Variants in ZC3H12C observed in about 807,000 individuals in gnomAD.
ZC3H12C encodes the protein probable ribonuclease ZC3H12C.
ZC3H12C carries 20 observed loss-of-function variants against 76.3 expected under a neutral mutation model. The observed-to-expected ratio is 0.26, with a 90% CI of 0.18 to 0.38. The LOEUF is 0.38. ZC3H12C is among the 10% of genes least tolerant of loss of function. ZC3H12C has a pLI of 1.00. For synonymous variants in ZC3H12C, 352 were observed against 399.6 expected, an observed-to-expected ratio of 0.88 and a Z score of 1.42; for missense variants, 874 against 1,086.5, an observed-to-expected ratio of 0.80 and a Z score of 2.75.
intron 1 of ZC3H12C, among the ~76,000 whole-genome samples, chr11:110,105,623 A>G (rs1359241245): frequency 6.6e-6 from 1 of 152,194 alleles, no homozygotes; most frequent in Non-Finnish European, 1.5e-5. Flanking sequence ...TTACCTAGAG[A>G]TGACTTAAAA....
At chr11:110,148,624 A>T (rs993855494) in intron 2 of ZC3H12C, among the ~76,000 whole-genome samples, 1 of 152,238 alleles carries the variant, frequency 6.6e-6, no homozygotes, top group African/African-American at 2.4e-5. Flanking sequence ...CTCACTTGAG[A>T]TATACCAATC....
At chr11:110,157,051 C>T (rs765800871) in intron 3 of ZC3H12C, among the ~76,000 whole-genome samples, 1 of 151,798 alleles carries the variant, frequency 6.6e-6, no homozygotes, top group South Asian at 2.1e-4. Flanking sequence ...TGGTGGTGCA[C>T]GCTTGTAGTC....
At chr11:110,129,300 A>T (rs58463096) in intron 1 of ZC3H12C, among the ~76,000 whole-genome samples, 4,921 of 152,252 alleles carry the variant, frequency 0.032, 156 homozygotes, top group East Asian at 0.087. Flanking sequence ...TTTATCTTTT[A>T]GTTTTCTTTC....
At chr11:110,139,752 G>A (rs894362212) in intron 2 of ZC3H12C, among the ~76,000 whole-genome samples, 2 of 151,974 alleles carry the variant, frequency 1.3e-5, no homozygotes, top group African/African-American at 4.8e-5. Flanking sequence ...AACCATGCCT[G>A]TATACCAGAA....
intron 1 of ZC3H12C, chr11:110,136,319 C>A: frequency 5.3e-6 from 1 of 189,424 alleles, no homozygotes; most frequent in Non-Finnish European, 1.1e-5. Flanking sequence ...AATTATAAGC[C>A]GTCCTAAAAG....
intron 3 of ZC3H12C, among the ~76,000 whole-genome samples, chr11:110,155,103 C>A (rs1029054764): frequency 1.3e-5 from 2 of 152,100 alleles, no homozygotes; most frequent in East Asian, 3.8e-4. Flanking sequence ...GCCTGGCCAA[C>A]ATGGTGAAAT....
intron 1 of ZC3H12C, among the ~76,000 whole-genome samples, chr11:110,135,144 T>A (rs776762616): frequency 7.9e-5 from 12 of 152,138 alleles, no homozygotes; most frequent in Non-Finnish European, 7.4e-5. Flanking sequence ...AATTCAACTA[T>A]CGCTGGCTTG....
intron 1 of ZC3H12C, among the ~76,000 whole-genome samples, chr11:110,097,724 A>T (rs748090310): frequency 3.7e-4 from 56 of 152,344 alleles, no homozygotes; most frequent in Non-Finnish European, 7.2e-4. Context: ...AGTCCCTGTT[A>T]AAACAAATAC....
At chr11:110,151,052 C>T (rs908649962) in intron 2 of ZC3H12C, among the ~76,000 whole-genome samples, 7 of 151,930 alleles carry the variant, frequency 4.6e-5, no homozygotes, top group South Asian at 4.2e-4. Flanking sequence ...AACGACATGC[C>T]GTTTTTCATC....
intron 1 of ZC3H12C, among the ~76,000 whole-genome samples, chr11:110,109,054 T>C (rs1368400662): frequency 6.6e-6 from 1 of 152,252 alleles, no homozygotes; most frequent in Non-Finnish European, 1.5e-5. Flanking sequence ...TTCTTACATT[T>C]AGAACTTTTG....
rs753475802 is a variant in ZC3H12C at position 110,164,960 on chromosome 11, C to T, written c.1875C>T (p.Asp625=). The change falls in exon 6 of 6, where the codon GAC becomes GAT. Residue 625 remains aspartate (D), a synonymous_variant. Coordinates refer to ENST00000278590, the MANE Select transcript of ZC3H12C (RefSeq NM_033390.2). The surrounding 1 kb of genome is among the most constrained non-coding windows in gnomAD (Gnocchi z 5.7). ...ATAGAATAAGTTCCGTAGCTTCTGA[C>T]TGCAGCAGTGAAGGGAGCATGAGCT... The part of the protein sequence containing the change: ...TDYRISSVAS[D]CSSEGSMSCG... 6.2e-7 allele frequency: 1 copy of T among 1,614,060 alleles called. No homozygotes were observed. Among genetic ancestry groups the T allele is most frequent in the Non-Finnish European group, 8.5e-7 (1 of 1,179,904 alleles).
chr11:110,098,108 C>T (rs1329935346), intron 1 of ZC3H12C, among the ~76,000 whole-genome samples: 6 of 152,064 alleles, frequency 3.9e-5, no homozygotes, highest in Admixed American at 2.6e-4. Context: ...GTGACAGTGC[C>T]GTGCCTGTTA....
chr11:110,136,898 G>A lies in ZC3H12C; in HGVS notation c.257G>A (p.Ser86Asn), dbSNP rs895575128. ...DEKEASEENASSGDSEENTNS... is the reference protein window; with the variant it reads ...DEKEASEENANSGDSEENTNS... The stretch of plus-strand genomic sequence containing the variant: ...AAAGAGGCGTCTGAAGAGAATGCAA[G>A]CTCTGGTGACTCTGAAGAAAACACA... Residue 86 changes from serine to asparagine, a missense_variant, in exon 2 of 6, where the codon AGC (serine) becomes AAC (asparagine). Ser to Asn is a conservative substitution (Grantham distance 46). Around this residue, in one of 3 missense-constraint regions of ZC3H12C, gnomAD observed 210 missense variants for 227.1 expected, o/e 0.92. Coordinates refer to ENST00000278590, the MANE Select transcript of ZC3H12C (RefSeq NM_033390.2). 6.2e-7 allele frequency: 1 copy of A among 1,613,798 alleles called. No individual in the cohort carries two copies. Among genetic ancestry groups the A allele is most frequent in the Non-Finnish European group, 8.5e-7 (1 of 1,179,814 alleles).
chr11:110,096,316 T>C (rs556446246), intron 1 of ZC3H12C, among the ~76,000 whole-genome samples: 98 of 152,356 alleles, frequency 6.4e-4, no homozygotes, highest in African/African-American at 2.0e-3. Flanking sequence ...TGGCATCTGA[T>C]AGTATAAAGA....
At chr11:110,113,038 A>C (rs1228954099) in intron 1 of ZC3H12C, among the ~76,000 whole-genome samples, 3 of 152,076 alleles carry the variant, frequency 2.0e-5, no homozygotes, top group Admixed American at 6.5e-5. Flanking sequence ...CTTCTTTTGA[A>C]ACCGTTCCTA....
intron 2 of ZC3H12C, among the ~76,000 whole-genome samples, chr11:110,152,040 A>G (rs1182624217): frequency 6.6e-6 from 1 of 152,216 alleles, no homozygotes; most frequent in Non-Finnish European, 1.5e-5. Flanking sequence ...TATCTCCGTT[A>G]TAGATAACAA....
At chr11:110,157,787 C>T (rs1025472095) in intron 3 of ZC3H12C, among the ~76,000 whole-genome samples, 14 of 152,266 alleles carry the variant, frequency 9.2e-5, no homozygotes, top group African/African-American at 3.1e-4. Context: ...TCCATCTGTA[C>T]CCAGCTCACA....
chr11:110,104,776 A>G (rs1861289014), intron 1 of ZC3H12C, among the ~76,000 whole-genome samples: 1 of 152,236 alleles, frequency 6.6e-6, no homozygotes, highest in Non-Finnish European at 1.5e-5. Context: ...TAATGAGTAT[A>G]AAAGTGCTTG....
At chr11:110,095,991 T>G (rs1327277178) in intron 1 of ZC3H12C, among the ~76,000 whole-genome samples, 3 of 152,192 alleles carry the variant, frequency 2.0e-5, no homozygotes, top group Non-Finnish European at 4.4e-5. Flanking sequence ...CGGAGTTTGA[T>G]CGTAAATCTA....
Sources: allele counts gnomAD v4.1 joint callset (sites outside exome capture counted in the v4.1 genomes callset), GRCh38; gene constraint gnomAD v4.1.1; regional missense constraint gnomAD v4.1.1; non-coding constraint Gnocchi (gnomAD v3.1); transcripts MANE v1.5; gene names NCBI Gene and HGNC (gene_info 2026-07-23, HGNC 2026-07-21).